The following GRIN2A variants were observed in gnomAD, a reference collection of about 807,000 sequenced individuals.
GRIN2A encodes the protein glutamate ionotropic receptor NMDA type subunit 2A.
Under a neutral mutation model 113.4 loss-of-function variants are expected in GRIN2A, and 22 were observed. The observed-to-expected ratio is 0.19, with a 90% CI of 0.14 to 0.28. The LOEUF is 0.28. GRIN2A is among the 10% of genes least tolerant of loss of function. GRIN2A has a pLI of 1.00. For missense variants in GRIN2A, 1,502 were observed against 1,887.0 expected, an observed-to-expected ratio of 0.80 and a Z score of 3.78; for synonymous variants, 827 against 738.4, an observed-to-expected ratio of 1.12 and a Z score of -1.94.
intron 2 of GRIN2A, among the ~76,000 whole-genome samples, chr16:9,945,391 G>C (rs909105105): frequency 1.2e-4 from 19 of 152,148 alleles, no homozygotes; most frequent in Admixed American, 2.6e-4. Flanking sequence ...GCGAGGGTTC[G>C]TCAAGTTCAG....
At position 10,125,705 on chromosome 16, in the gene GRIN2A, G is replaced by T. The variant is rs149672956; in HGVS notation, c.414+54293C>A. 1.6e-4 allele frequency among the ~76,000 whole-genome samples: 25 copies of T among 152,098 alleles called. No homozygotes were observed. In the East Asian group the frequency reaches 3.7e-3, roughly 22 times the overall value. ...TTGCTAAGCCCCAGGCCTACAGGAG[G>T]CTGGATGGCCCAGGGGAAGAGGCTG... On this transcript the variant is annotated intron_variant, in intron 2 of 12. Transcript: ENST00000330684.
At chr16:10,135,761 G>A (rs777571253) in intron 2 of GRIN2A, among the ~76,000 whole-genome samples, 3 of 152,158 alleles carry the variant, frequency 2.0e-5, no homozygotes, top group Non-Finnish European at 2.9e-5. Flanking sequence ...CTTCAGAGAA[G>A]CCTCAGCTCT....
chr16:9,838,859 G>A (rs1227596991), intron 7 of GRIN2A, among the ~76,000 whole-genome samples: 1 of 152,074 alleles, frequency 6.6e-6, no homozygotes, highest in African/African-American at 2.4e-5. Flanking sequence ...GCTAACCTAT[G>A]GGTATGAAAA....
At chr16:9,901,033 C>T (rs551044932) in intron 3 of GRIN2A, among the ~76,000 whole-genome samples, 12 of 152,206 alleles carry the variant, frequency 7.9e-5, no homozygotes, top group Non-Finnish European at 1.5e-4. Context: ...GATCAATTGA[C>T]ATTCAATTCA....
intron 5 of GRIN2A, among the ~76,000 whole-genome samples, chr16:9,847,085 G>A (rs2042785602): frequency 6.6e-6 from 1 of 152,132 alleles, no homozygotes; most frequent in African/African-American, 2.4e-5. Context: ...AGTTCCATTT[G>A]CACCTGGATT....
Position 9,754,189 on chromosome 16 carries a change from C to G in GRIN2A, c.*8960G>C, listed in dbSNP as rs902635301. On this transcript the variant is annotated 3_prime_UTR_variant, in exon 13 of 13. Transcript: ENST00000330684. ...ACATAAACATATACACATAAACATTCTGGGGTGATATAAACTATGGTGAAT... is the reference window on the plus strand; with the variant it reads ...ACATAAACATATACACATAAACATTGTGGGGTGATATAAACTATGGTGAAT... The G allele has an allele frequency of 5.3e-6, 1 of 188,760 alleles. No homozygotes were observed. The highest frequency in any genetic ancestry group is 1.1e-5 in the Non-Finnish European group (1 of 89,830). The allele number at this position is 188,760 out of a possible 1,614,324, so 11.7% of individuals were successfully genotyped here.
intron 2 of GRIN2A, among the ~76,000 whole-genome samples, chr16:10,145,009 A>G (rs2049409998): frequency 6.6e-6 from 1 of 151,970 alleles, no homozygotes; most frequent in Admixed American, 6.6e-5. Context: ...TAAAAAAAAA[A>G]AGAAAAAAAA....
At chr16:10,064,346 T>A (rs7196803) in intron 2 of GRIN2A, among the ~76,000 whole-genome samples, 4,574 of 152,294 alleles carry the variant, frequency 0.03, 246 homozygotes, top group African/African-American at 0.11. Context: ...CAGAACAACG[T>A]TGTCACTGGT....
chr16:10,179,879 C>A, intron 2 of GRIN2A, 119 bp downstream of exon 2: 6 of 475,736 alleles, frequency 1.3e-5, no homozygotes, highest in East Asian at 1.2e-4. Flanking sequence ...CCACGACCCT[C>A]CCACCCCCAC....
intron 2 of GRIN2A, among the ~76,000 whole-genome samples, chr16:9,974,397 T>A (rs2045735143): frequency 1.3e-5 from 2 of 152,076 alleles, no homozygotes; most frequent in South Asian, 4.2e-4. Context: ...ACTGTGAAAA[T>A]CCCTGTCCTG....
intron 2 of GRIN2A, among the ~76,000 whole-genome samples, chr16:9,993,787 C>T (rs574686343): frequency 4.5e-4 from 68 of 152,208 alleles, no homozygotes; most frequent in African/African-American, 1.6e-3. Flanking sequence ...AACCCCCATT[C>T]GTAAAGACCC....
chr16:10,094,914 T>A (rs1195562555), intron 2 of GRIN2A, among the ~76,000 whole-genome samples: 1 of 147,592 alleles, frequency 6.8e-6, no homozygotes, highest in Non-Finnish European at 1.5e-5. Context: ...AATGAGGACT[T>A]CTAGGGATGG....
chr16:9,803,062 C>G (rs1453067394), intron 10 of GRIN2A, among the ~76,000 whole-genome samples: 1 of 152,108 alleles, frequency 6.6e-6, no homozygotes, highest in Non-Finnish European at 1.5e-5. Context: ...TCAACAGGGA[C>G]TTTGGGCAAA....
intron 11 of GRIN2A, among the ~76,000 whole-genome samples, chr16:9,775,713 C>G (rs1300199064): frequency 1.3e-5 from 2 of 152,234 alleles, no homozygotes; most frequent in Non-Finnish European, 2.9e-5. Flanking sequence ...ACCCAGGGAA[C>G]AGCAAGGCCG....
intron 2 of GRIN2A, among the ~76,000 whole-genome samples, chr16:10,165,694 G>C (rs1401475756): frequency 9.0e-5 from 1 of 11,124 alleles, no homozygotes; most frequent in Non-Finnish European, 2.8e-4. Context: ...GGGGAGGGGA[G>C]GGGAGAAAGG....
chr16:10,171,573 A>G (rs1188233169), intron 2 of GRIN2A: 2 of 152,218 alleles, frequency 1.3e-5, no homozygotes, highest in East Asian at 3.8e-4. Context: ...TTAAGAAAAT[A>G]CAAATCATTT....
At position 9,768,842 on chromosome 16, in the gene GRIN2A, T is replaced by C. The variant is rs1901081567; in HGVS notation, c.2595+9A>G. ...GCAGTGCAAGAAAGTAGCCACCCGG[T>C]GTACTGACCCTGCTGATGGAGAAGA... On this transcript the variant is annotated intron_variant, in intron 12 of 12. Transcript: ENST00000330684. 12 of 1,594,638 alleles carry C rather than the reference T, an allele frequency of 7.5e-6. No individual in the cohort carries two copies. The highest frequency in any genetic ancestry group is 1.3e-5 in the African/African-American group (1 of 74,424).
At chr16:10,005,096 G>C (rs902315490) in intron 2 of GRIN2A, among the ~76,000 whole-genome samples, 6 of 152,166 alleles carry the variant, frequency 3.9e-5, no homozygotes, top group African/African-American at 1.2e-4. Context: ...AATATATGGG[G>C]CACTGGTAAG....
chr16:10,103,481 G>A (rs1012942259), intron 2 of GRIN2A, among the ~76,000 whole-genome samples: 3 of 152,170 alleles, frequency 2.0e-5, no homozygotes, highest in Non-Finnish European at 4.4e-5. Flanking sequence ...ACCATCAAGG[G>A]TATTACTAAC....
Sources: gnomAD v4.1 joint callset for allele counts (sites outside exome capture counted in the v4.1 genomes callset) on GRCh38, gnomAD v4.1.1 for gene constraint, MANE v1.5 for transcripts, NCBI Gene and HGNC (gene_info 2026-07-23, HGNC 2026-07-21) for gene names.